The following PPM1E variants were observed in gnomAD, a reference collection of about 807,000 sequenced individuals.
PPM1E encodes the protein protein phosphatase 1E.
In PPM1E, 20 loss-of-function variants were observed where a neutral mutation model predicts 65.9. That is an observed-to-expected ratio of 0.30 (90% CI 0.21 to 0.44). The LOEUF (loss-of-function observed/expected upper bound fraction) is 0.44. PPM1E is among the 20% of genes least tolerant of loss of function. The pLI, the probability that PPM1E is intolerant of heterozygous loss-of-function variation, is 1.00. For missense variants in PPM1E, 713 were observed against 953.1 expected (o/e 0.75, Z 3.32); for synonymous variants, 352 against 374.9 (o/e 0.94, Z 0.70).
intron 1 of PPM1E, among the ~76,000 whole-genome samples, chr17:58,885,708 G>A (rs948151145): frequency 1.3e-5 from 2 of 152,032 alleles, no homozygotes; most frequent in Non-Finnish European, 2.9e-5. Flanking sequence ...CCCACCCTTT[G>A]GTATTTCAAG....
chr17:58,970,451 T>A (rs1036578313), intron 4 of PPM1E, among the ~76,000 whole-genome samples: 1 of 152,180 alleles, frequency 6.6e-6, no homozygotes, highest in African/African-American at 2.4e-5. Context: ...TTTTAATTTT[T>A]AAAAATAATT....
intron 1 of PPM1E, among the ~76,000 whole-genome samples, chr17:58,923,911 CTTTTTTTTTTTTTTT>C (rs751578623): frequency 3.1e-5 from 2 of 64,812 alleles, no homozygotes; most frequent in African/African-American, 1.3e-4. Context: ...AAGACCCCCT[CTTTTTTTTTTTTTTT>C]TTTTTTTTTG....
chr17:58,805,995 CAAAACA>C (rs2050309935), intron 1 of PPM1E, among the ~76,000 whole-genome samples: 6 of 70,682 alleles, frequency 8.5e-5, no homozygotes, highest in African/African-American at 1.3e-4. Context: ...CAAAACAAAA[CAAAACA>C]AAAAAAAAAC....
chr17:58,780,891 C>A (rs1171406432), intron 1 of PPM1E, among the ~76,000 whole-genome samples: 7 of 151,938 alleles, frequency 4.6e-5, no homozygotes, highest in Non-Finnish European at 1.0e-4. Flanking sequence ...TATTGGATAC[C>A]ACCACGTATA....
chr17:58,918,102 C>A (rs530955525), intron 1 of PPM1E, among the ~76,000 whole-genome samples: 2 of 152,062 alleles, frequency 1.3e-5, no homozygotes, highest in African/African-American at 2.4e-5. Context: ...TTTTAAAATT[C>A]TTTTGGTTTA....
intron 1 of PPM1E, among the ~76,000 whole-genome samples, chr17:58,925,213 A>G (rs142666345): frequency 7.8e-4 from 118 of 152,102 alleles, no homozygotes; most frequent in African/African-American, 2.6e-3. Flanking sequence ...AAGCATTCCT[A>G]TTTCTCCACA....
At chr17:58,794,429 A>G (rs2050186555) in intron 1 of PPM1E, among the ~76,000 whole-genome samples, 1 of 152,096 alleles carries the variant, frequency 6.6e-6, no homozygotes, top group Non-Finnish European at 1.5e-5. Context: ...TTTAACTTTT[A>G]GCTTCAGGGG....
intron 1 of PPM1E, among the ~76,000 whole-genome samples, chr17:58,933,606 G>C (rs1489000654): frequency 6.6e-6 from 1 of 152,004 alleles, no homozygotes; most frequent in Non-Finnish European, 1.5e-5. Context: ...GACCAGCCTG[G>C]CCAACATGGT....
In PPM1E at chr17:58,982,715, T is replaced by C. The variant is rs753347423; in HGVS notation, c.*1684T>C. 1.8e-3 allele frequency: 953 copies of C among 519,750 alleles called. 4 individuals are homozygous for C. Among genetic ancestry groups the C allele is most frequent in the Non-Finnish European group, 1.9e-3 (560 of 293,424 alleles). 32.2% of individuals were successfully genotyped at this position (519,750 alleles called of 1,614,324 possible). On this transcript the variant is annotated 3_prime_UTR_variant, in exon 7 of 7. Coordinates refer to ENST00000308249, the MANE Select transcript of PPM1E (RefSeq NM_014906.5). ...TGTAAGTAGAGACTTTCAGTATTTGTTTTCTCTTGATTTTGAAGTCATTTC... is the reference window on the plus strand; with the variant it reads ...TGTAAGTAGAGACTTTCAGTATTTGCTTTCTCTTGATTTTGAAGTCATTTC...
chr17:58,810,288 A>C (rs1227203388), intron 1 of PPM1E, among the ~76,000 whole-genome samples: 1 of 151,884 alleles, frequency 6.6e-6, no homozygotes, highest in Non-Finnish European at 1.5e-5. Context: ...GCTCACTGCA[A>C]CCTCCGCCTC....
At chr17:58,770,557 T>A (rs1291671806) in intron 1 of PPM1E, among the ~76,000 whole-genome samples, 1 of 152,106 alleles carries the variant, frequency 6.6e-6, no homozygotes, top group African/African-American at 2.4e-5. Flanking sequence ...AAGTAAAATA[T>A]ATTGATTATC....
intron 1 of PPM1E, among the ~76,000 whole-genome samples, chr17:58,833,925 C>T (rs1187081695): frequency 1.3e-5 from 2 of 152,074 alleles, no homozygotes; most frequent in Non-Finnish European, 2.9e-5. Flanking sequence ...TAATAATAGC[C>T]ATTCTGACAT....
intron 1 of PPM1E, among the ~76,000 whole-genome samples, chr17:58,839,998 C>A (rs569781784): frequency 3.2e-4 from 48 of 152,302 alleles, no homozygotes; most frequent in Non-Finnish European, 5.3e-4. Flanking sequence ...CCTAGAGGTA[C>A]TCACAGAACT....
intron 1 of PPM1E, among the ~76,000 whole-genome samples, chr17:58,834,205 A>T (rs2050632244): frequency 1.3e-5 from 2 of 151,548 alleles, no homozygotes; most frequent in African/African-American, 4.8e-5. Flanking sequence ...TGTAAATGGG[A>T]TTGCATTGTT....
At chr17:58,937,892 A>AAAAAAAAAAAAAAAAAAAAAAAG (rs57965915) in intron 1 of PPM1E, among the ~76,000 whole-genome samples, 1 of 129,768 alleles carries the variant, frequency 7.7e-6, no homozygotes, top group African/African-American at 3.0e-5. Flanking sequence ...AAAAAAAAAA[A>AAAAAAAAAAAAAAAAAAAAAAAG]AAAGAAAGAA....
chr17:58,816,998 T>G (rs1485302182), intron 1 of PPM1E, among the ~76,000 whole-genome samples: 1 of 151,642 alleles, frequency 6.6e-6, no homozygotes, highest in African/African-American at 2.4e-5. Context: ...TTTGCCATGT[T>G]GCCCAGGCTG....
chr17:58,755,986 G>A lies in PPM1E; in HGVS notation c.-12G>A. The A allele has an allele frequency of 6.2e-7, 1 of 1,613,948 alleles. No homozygotes were observed. The highest frequency in any genetic ancestry group is 1.3e-5 in the African/African-American group (1 of 75,064). On this transcript the variant is annotated 5_prime_UTR_variant, in exon 1 of 7. Coordinates refer to ENST00000308249, the MANE Select transcript of PPM1E (RefSeq NM_014906.5). ...AACCCCTTTCCCGGTCTGCCCTGGG[G>A]CATGAGCAGCGATGGCCGGCTGCAT...
intron 1 of PPM1E, among the ~76,000 whole-genome samples, chr17:58,798,260 G>A (rs1243885100): frequency 7.3e-6 from 1 of 137,354 alleles, no homozygotes; most frequent in Non-Finnish European, 1.5e-5. Context: ...ACGAAGTCTC[G>A]TTCTGTTGCC....
intron 1 of PPM1E, among the ~76,000 whole-genome samples, chr17:58,829,585 T>C (rs923111193): frequency 6.6e-6 from 1 of 152,150 alleles, no homozygotes; most frequent in Non-Finnish European, 1.5e-5. Flanking sequence ...ATACCTTCTG[T>C]ACAGCTGACA....
Sources: gnomAD v4.1 joint callset for allele counts (sites outside exome capture counted in the v4.1 genomes callset) on GRCh38, gnomAD v4.1.1 for gene constraint, MANE v1.5 for transcripts, NCBI Gene and HGNC (gene_info 2026-07-23, HGNC 2026-07-21) for gene names.